Variants in CLEC16A observed in about 807,000 individuals in gnomAD.
CLEC16A encodes the protein C-type lectin domain containing 16A, also known as protein CLEC16A.
A neutral mutation model predicts 109.5 loss-of-function variants in CLEC16A; 51 were observed. The ratio of observed to expected loss-of-function variants is 0.47; its 90% CI spans 0.37 to 0.59. The LOEUF is 0.59. Ranked by LOEUF, CLEC16A falls within the 20% of genes least tolerant of loss-of-function variation. CLEC16A has a pLI of 0.00. For missense variants in CLEC16A, 1,339 were observed against 1,394.0 expected (o/e 0.96, Z 0.63); for synonymous variants, 673 against 564.2 (o/e 1.19, Z -2.73).
chr16:11,129,049 C>G (rs1291784708), intron 22 of CLEC16A, among the ~76,000 whole-genome samples: 3 of 152,208 alleles, frequency 2.0e-5, no homozygotes, highest in Non-Finnish European at 2.9e-5. Context: ...CAACTGGCCT[C>G]TCAGATGAAG....
chr16:11,011,853 A>G (rs1344394811), intron 11 of CLEC16A, among the ~76,000 whole-genome samples: 1 of 151,334 alleles, frequency 6.6e-6, no homozygotes, highest in Non-Finnish European at 1.5e-5. Context: ...GTCCTCTCCC[A>G]TCTTAGATTT....
chr16:11,051,950 A>G (rs2047966069), intron 18 of CLEC16A, among the ~76,000 whole-genome samples: 1 of 152,166 alleles, frequency 6.6e-6, no homozygotes, highest in Non-Finnish European at 1.5e-5. Context: ...TTTTCTGTGA[A>G]CCATCGGGGG....
chr16:11,166,109 G>A (rs577487589), intron 22 of CLEC16A, among the ~76,000 whole-genome samples: 3 of 152,388 alleles, frequency 2.0e-5, no homozygotes, highest in African/African-American at 7.2e-5. Flanking sequence ...ACGCTGCTGA[G>A]CCAGTATCAG....
In CLEC16A at chr16:10,993,089, C is replaced by T. The variant is rs756580066; in HGVS notation, c.1072-9985C>T. On this transcript the variant is annotated intron_variant, in intron 10 of 23. Transcript: ENST00000409790. ...GTTGGTGGAAGAGAGGGACGGTTTT[C>T]GTTTTATAGAAGATGAACCTGGCTG... is the stretch of plus-strand genomic sequence containing the variant. Among the ~76,000 whole-genome samples the T allele has an allele frequency of 3.3e-5, 5 of 151,990 alleles. No homozygotes were observed. In the South Asian group the frequency reaches 8.3e-4, roughly 25 times the overall value.
At chr16:11,121,001 CAG>C (rs1327379512) in intron 20 of CLEC16A, among the ~76,000 whole-genome samples, 5 of 152,196 alleles carry the variant, frequency 3.3e-5, no homozygotes, top group African/African-American at 7.2e-5. Flanking sequence ...TCCCCTCCAC[CAG>C]AGATAATCTT....
chr16:11,054,104 TG>T (rs2048087645), intron 18 of CLEC16A, among the ~76,000 whole-genome samples: 1 of 152,198 alleles, frequency 6.6e-6, no homozygotes, highest in Non-Finnish European at 1.5e-5. Flanking sequence ...GTGATGAGGC[TG>T]GGGGTGCTGG....
At chr16:10,962,936 G>A (rs150633123) in intron 3 of CLEC16A, among the ~76,000 whole-genome samples, 181 of 152,240 alleles carry the variant, frequency 1.2e-3, no homozygotes, top group Middle Eastern at 0.01. Flanking sequence ...GTGTGCACAT[G>A]TAGTCCCAGC....
chr16:11,141,976 C>G (rs1342020017), intron 22 of CLEC16A, among the ~76,000 whole-genome samples: 1 of 152,156 alleles, frequency 6.6e-6, no homozygotes, highest in African/African-American at 2.4e-5. Flanking sequence ...CCACACTGTC[C>G]TGAGGTTGAA....
chr16:11,067,075 G>C (rs1365693113), intron 19 of CLEC16A, among the ~76,000 whole-genome samples: 1 of 151,122 alleles, frequency 6.6e-6, no homozygotes, highest in East Asian at 1.9e-4. Context: ...AACGAGGGTA[G>C]TCTTTCCAAG....
chr16:11,001,408 G>A (rs1477780212), intron 10 of CLEC16A, among the ~76,000 whole-genome samples: 2 of 152,178 alleles, frequency 1.3e-5, no homozygotes, highest in Non-Finnish European at 2.9e-5. Context: ...AGCATTAAAT[G>A]TAGAATTAAG....
intron 11 of CLEC16A, among the ~76,000 whole-genome samples, chr16:11,015,957 C>G (rs1321491151): frequency 6.9e-6 from 1 of 144,946 alleles, no homozygotes; most frequent in Non-Finnish European, 1.5e-5. Context: ...GGAGGCTAGC[C>G]TCACAGGCTT....
At chr16:11,176,523 G>A (rs955256863) in intron 23 of CLEC16A, among the ~76,000 whole-genome samples, 1 of 152,192 alleles carries the variant, frequency 6.6e-6, no homozygotes, top group African/African-American at 2.4e-5. Context: ...GATTGCTTGA[G>A]CCCAGGAGTT....
intron 11 of CLEC16A, among the ~76,000 whole-genome samples, chr16:11,018,162 C>G (rs990611818): frequency 1.3e-5 from 2 of 151,692 alleles, no homozygotes; most frequent in African/African-American, 2.4e-5. Flanking sequence ...AAAAAATTAG[C>G]CGGGTGTGCT....
rs200069249 is a variant in CLEC16A, at chr16:11,174,948, CT to C, written c.2807-3385del. Among the ~76,000 whole-genome samples the C allele has an allele frequency of 8.7e-3, 1,332 of 152,360 alleles. 24 individuals carry two copies. The highest frequency in any genetic ancestry group is 0.03 in the African/African-American group (1,265 of 41,586). On this transcript the variant is annotated intron_variant, in intron 23 of 23. Coordinates refer to ENST00000409790, the MANE Select transcript of CLEC16A (RefSeq NM_015226.3). This position sits in a 1 kb window ranked among gnomAD's most constrained non-coding sequence, Gnocchi z 4.7. The stretch of plus-strand genomic sequence containing the variant: ...CATCCCTGCTGCCTCCCCTATGACG[CT>C]TCTTCTGTGGTTTCTGATGCGCTTT...
chr16:11,036,353 C>T (rs1342456919), intron 13 of CLEC16A, among the ~76,000 whole-genome samples: 1 of 151,946 alleles, frequency 6.6e-6, no homozygotes, highest in Non-Finnish European at 1.5e-5. Context: ...TGCAGTCCCA[C>T]CTTGGTTTGG....
chr16:10,964,478 T>A (rs968774806), intron 3 of CLEC16A, among the ~76,000 whole-genome samples: 1 of 152,216 alleles, frequency 6.6e-6, no homozygotes, highest in Admixed American at 6.5e-5. Context: ...TTTGTGCATC[T>A]GTCAAGAGGA....
At chr16:10,945,124 C>A (rs1368666273) in intron 1 of CLEC16A, among the ~76,000 whole-genome samples, 1 of 152,206 alleles carries the variant, frequency 6.6e-6, no homozygotes, top group Non-Finnish European at 1.5e-5. Context: ...CGGGGTACTT[C>A]TTAAACTGAA....
chr16:11,167,322 G>A (rs1016592721), intron 23 of CLEC16A, among the ~76,000 whole-genome samples: 1 of 152,112 alleles, frequency 6.6e-6, no homozygotes. Flanking sequence ...CCATGGGTCG[G>A]GGGGTCACAC....
chr16:11,024,907 T>A lies in CLEC16A; in HGVS notation c.1523T>A (p.Met508Lys). 1 of 1,607,510 alleles carries A rather than the reference T, an allele frequency of 6.2e-7. No individual in the cohort carries two copies. ...ALFVLCLLYA[M>K]SHNKGMDPEK... The stretch of plus-strand genomic sequence containing the variant: ...TTCGTGCTCTGCCTCCTCTATGCCA[T>A]GTCTCATAATAAAGGTAAGCACCCT... Residue 508 changes from methionine to lysine, a missense_variant, in exon 13 of 24, where the codon ATG becomes AAG. By Grantham distance (95) the Met-to-Lys change is moderately conservative. This residue lies in a region of CLEC16A where 1,061 missense variants were observed against 1,006.8 expected (regional missense o/e 1.05). Coordinates refer to ENST00000409790, the MANE Select transcript of CLEC16A (RefSeq NM_015226.3).
Sources: gnomAD v4.1 joint callset for allele counts (sites outside exome capture counted in the v4.1 genomes callset) on GRCh38, gnomAD v4.1.1 for gene constraint, gnomAD v4.1.1 regional missense constraint, Gnocchi (gnomAD v3.1) non-coding constraint, MANE v1.5 for transcripts, NCBI Gene and HGNC (gene_info 2026-07-23, HGNC 2026-07-21) for gene names.